DEPDC1B: variants seen among roughly 807,000 people sequenced by gnomAD.
DEPDC1B encodes the protein DEP domain-containing protein 1B.
A neutral mutation model predicts 66.5 loss-of-function variants in DEPDC1B; 51 were observed. The observed-to-expected ratio is 0.77, with a 90% CI of 0.61 to 0.97. The LOEUF is 0.97. DEPDC1B is among the 50% of genes least tolerant of loss of function. DEPDC1B has a pLI of 0.00. For synonymous variants in DEPDC1B, 226 were observed against 223.6 expected, an observed-to-expected ratio of 1.01 and a Z score of -0.10; for missense variants, 552 against 637.1, an observed-to-expected ratio of 0.87 and a Z score of 1.44.
chr5:60,639,523 C>A (rs1384490483), intron 6 of DEPDC1B, among the ~76,000 whole-genome samples: 1 of 152,286 alleles, frequency 6.6e-6, no homozygotes, highest in Non-Finnish European at 1.5e-5. Context: ...CATCAAAAGA[C>A]AGTTTATCAA....
intron 2 of DEPDC1B, among the ~76,000 whole-genome samples, chr5:60,685,056 T>C (rs1179881587): frequency 6.6e-6 from 1 of 152,310 alleles, no homozygotes; most frequent in Middle Eastern, 3.4e-3. Flanking sequence ...ATGGCTATTG[T>C]CAAATCTAAC....
In DEPDC1B at chr5:60,673,877, C is replaced by T. The variant is rs118130756; in HGVS notation, c.314+13085G>A. ...TGTAAATTGGGAGCTTTCAGTCAGC[C>T]GTGCTCCTTTCATATTTCTGGAGTC... is the stretch of plus-strand genomic sequence containing the variant. On this transcript the variant is annotated intron_variant, in intron 2 of 10. Transcript: ENST00000265036. Among the ~76,000 whole-genome samples, 61 of 152,244 alleles carry T rather than the reference C, an allele frequency of 4.0e-4. No individual in the cohort carries two copies. In the East Asian group the frequency reaches 5.8e-3, roughly 14 times the overall value.
At chr5:60,642,906 A>C in intron 5 of DEPDC1B, 47 bp from the exon 6 acceptor site, 1 of 1,399,912 alleles carries the variant, frequency 7.1e-7, no homozygotes, top group Non-Finnish European at 1.0e-6. Context: ...AACTCAAGAC[A>C]TCATATACAT....
At chr5:60,616,806 A>G (rs796418132) in intron 7 of DEPDC1B, among the ~76,000 whole-genome samples, 10 of 152,148 alleles carry the variant, frequency 6.6e-5, no homozygotes, top group African/African-American at 1.9e-4. Flanking sequence ...GATACTCCTC[A>G]AGAAGAGCAA....
chr5:60,631,644 T>TCATATG (rs1752927398), intron 7 of DEPDC1B, among the ~76,000 whole-genome samples: 1 of 152,364 alleles, frequency 6.6e-6, no homozygotes, highest in Non-Finnish European at 1.5e-5. Flanking sequence ...CTCATTTGCA[T>TCATATG]CATATGGGTC....
intron 2 of DEPDC1B, among the ~76,000 whole-genome samples, chr5:60,649,777 A>T (rs1584064551): frequency 6.6e-6 from 1 of 152,228 alleles, no homozygotes; most frequent in South Asian, 2.1e-4. Flanking sequence ...CTAAAAAGAA[A>T]GAAAACTATA....
chr5:60,607,902 A>G (rs1752342779), intron 7 of DEPDC1B, among the ~76,000 whole-genome samples: 1 of 152,206 alleles, frequency 6.6e-6, no homozygotes, highest in African/African-American at 2.4e-5. Context: ...TAAGGAAAAC[A>G]CAAGTCAGAA....
At position 60,651,955 on chromosome 5, in the gene DEPDC1B, T is replaced by C. The variant is rs1753467429; in HGVS notation, c.315-4422A>G. On this transcript the variant is annotated intron_variant, in intron 2 of 10. Transcript: ENST00000265036. ...TTTAAGAATGATGAGGTGGATAAATTTGAAAAGAAGAGCTTTATTTCTCAT... is the reference window on the plus strand; with the variant it reads ...TTTAAGAATGATGAGGTGGATAAATCTGAAAAGAAGAGCTTTATTTCTCAT... 1.3e-5 allele frequency among the ~76,000 whole-genome samples: 2 copies of C among 150,566 alleles called. 1 individual carries two copies. Among genetic ancestry groups the C allele is most frequent in the South Asian group, 4.3e-4 (2 of 4,648 alleles).
At chr5:60,634,763 T>C (rs887994623) in intron 7 of DEPDC1B, among the ~76,000 whole-genome samples, 2 of 151,940 alleles carry the variant, frequency 1.3e-5, no homozygotes, top group Non-Finnish European at 1.5e-5. Context: ...TACCTAGGCA[T>C]TTCCCTAAAT....
chr5:60,643,818 A>G (rs934672586), intron 5 of DEPDC1B, among the ~76,000 whole-genome samples: 1 of 152,146 alleles, frequency 6.6e-6, no homozygotes, highest in Non-Finnish European at 1.5e-5. Context: ...ATTGTCCTCC[A>G]TTCCTCATAT....
chr5:60,635,064 GAAAAAAA>G (rs371444479), intron 7 of DEPDC1B, among the ~76,000 whole-genome samples: 1 of 116,008 alleles, frequency 8.6e-6, no homozygotes, highest in African/African-American at 3.6e-5. Context: ...CATCTCAAGA[GAAAAAAA>G]AAAAAAAAAA....
intron 3 of DEPDC1B, 81 bp from the exon 4 acceptor site, chr5:60,645,700 G>T: frequency 7.2e-7 from 1 of 1,385,830 alleles, no homozygotes; most frequent in Non-Finnish European, 9.6e-7. Context: ...ATAAGGTGGT[G>T]GGATTTTTAT....
At chr5:60,677,590 A>G (rs2112006775) in intron 2 of DEPDC1B, among the ~76,000 whole-genome samples, 1 of 152,074 alleles carries the variant, frequency 6.6e-6, no homozygotes, top group Non-Finnish European at 1.5e-5. Context: ...AGGCTGAAGT[A>G]CAGTGGCATG....
intron 2 of DEPDC1B, among the ~76,000 whole-genome samples, chr5:60,649,918 A>G (rs912149775): frequency 1.3e-5 from 2 of 152,146 alleles, no homozygotes; most frequent in Non-Finnish European, 2.9e-5. Context: ...AGTAGCTGGG[A>G]TTACAAGTAG....
chr5:60,616,476 C>G (rs1361011441), intron 7 of DEPDC1B, among the ~76,000 whole-genome samples: 1 of 152,110 alleles, frequency 6.6e-6, no homozygotes, highest in African/African-American at 2.4e-5. Flanking sequence ...AACCACAGCA[C>G]AAGAACTACA....
intron 9 of DEPDC1B, among the ~76,000 whole-genome samples, chr5:60,600,148 T>C (rs1475831911): frequency 2.6e-5 from 4 of 152,126 alleles, no homozygotes; most frequent in African/African-American, 9.7e-5. Context: ...TTGGGGATGG[T>C]AGTGGCATGC....
At chr5:60,660,988 C>A (rs959736512) in intron 2 of DEPDC1B, among the ~76,000 whole-genome samples, 2 of 152,178 alleles carry the variant, frequency 1.3e-5, no homozygotes, top group Admixed American at 1.3e-4. Flanking sequence ...TCTGCTGAAA[C>A]GTGCAAGCTG....
chr5:60,624,905 C>T (rs1752779034), intron 7 of DEPDC1B, among the ~76,000 whole-genome samples: 1 of 151,450 alleles, frequency 6.6e-6, no homozygotes, highest in Non-Finnish European at 1.5e-5. Context: ...GCCCCCGACC[C>T]CCCACACAGG....
At chr5:60,601,083 C>T (rs768124767) in intron 9 of DEPDC1B, among the ~76,000 whole-genome samples, 1 of 152,188 alleles carries the variant, frequency 6.6e-6, no homozygotes, top group Non-Finnish European at 1.5e-5. Flanking sequence ...TTTGCTTCCC[C>T]TTCTGCCATG....
Sources: allele counts gnomAD v4.1 joint callset (sites outside exome capture counted in the v4.1 genomes callset), GRCh38; gene constraint gnomAD v4.1.1; transcripts MANE v1.5; gene names NCBI Gene and HGNC (gene_info 2026-07-23, HGNC 2026-07-21).